The following PCCA variants were observed in gnomAD, a reference collection of about 807,000 sequenced individuals.
PCCA encodes propionyl-CoA carboxylase alpha chain, mitochondrial.
A neutral mutation model predicts 101.3 loss-of-function variants in PCCA; 74 were observed. The observed-to-expected ratio is 0.73, with a 90% CI of 0.61 to 0.89. The LOEUF (loss-of-function observed/expected upper bound fraction) is 0.89, where lower values mean the gene tolerates loss of function less well. Ranked by LOEUF, PCCA falls within the 40% of genes least tolerant of loss-of-function variation. The pLI is 0.00. For missense variants in PCCA, 891 were observed against 907.0 expected (o/e 0.98, Z 0.23); for synonymous variants, 294 against 313.6 (o/e 0.94, Z 0.66).
chr13:100,489,275 T>A (rs573933921), intron 21 of PCCA, among the ~76,000 whole-genome samples: 11 of 152,138 alleles, frequency 7.2e-5, no homozygotes, highest in African/African-American at 2.7e-4. Context: ...ACCACTGCAC[T>A]CCAGCCTGGG....
intron 7 of PCCA, among the ~76,000 whole-genome samples, chr13:100,233,652 A>T (rs9300595): frequency 4.6e-5 from 7 of 152,070 alleles, no homozygotes; most frequent in African/African-American, 1.5e-4. Context: ...TGAAACAGTA[A>T]TAGAGATTTT....
At chr13:100,421,689 T>A (rs994932588) in intron 19 of PCCA, among the ~76,000 whole-genome samples, 1 of 152,044 alleles carries the variant, frequency 6.6e-6, no homozygotes, top group African/African-American at 2.4e-5. Context: ...GATTTCTTAT[T>A]TTTTATTTTT....
At chr13:100,509,241 G>A (rs1006833226) in intron 21 of PCCA, among the ~76,000 whole-genome samples, 1 of 152,220 alleles carries the variant, frequency 6.6e-6, no homozygotes, top group Non-Finnish European at 1.5e-5. Context: ...GCTGCTAACT[G>A]ACCCTATGCG....
intron 19 of PCCA, among the ~76,000 whole-genome samples, chr13:100,396,362 T>G (rs2077044847): frequency 6.6e-6 from 1 of 152,196 alleles, no homozygotes; most frequent in Non-Finnish European, 1.5e-5. Context: ...TTGTAAAAAT[T>G]AAATGAGATT....
chr13:100,139,663 C>G (rs940622191), intron 4 of PCCA, among the ~76,000 whole-genome samples: 3 of 151,984 alleles, frequency 2.0e-5, no homozygotes, highest in Admixed American at 2.0e-4. Flanking sequence ...TGTTGGAAAA[C>G]TTTAATAATA....
At chr13:100,268,977 G>A (rs1046297566) in intron 11 of PCCA, among the ~76,000 whole-genome samples, 194 bp downstream of exon 11, 7 of 152,192 alleles carry the variant, frequency 4.6e-5, no homozygotes, top group African/African-American at 7.2e-5. Context: ...AGCCTCCCAC[G>A]TAGCCGGGAC....
chr13:100,174,381 A>C lies in PCCA; in HGVS notation c.468+17041A>C, dbSNP rs930468333. ...CACATAGAGAAAATAACCAGGTTTT[A>C]AATGTTTTATAGTATAATATTTGTT... On this transcript the variant is annotated intron_variant, in intron 6 of 23. Transcript: ENST00000376285. Among the ~76,000 whole-genome samples, 6 of 150,524 alleles carry C rather than the reference A, an allele frequency of 4.0e-5. 1 individual carries two copies. The Admixed American group carries it at 4.0e-4, about 10-fold the overall frequency.
At chr13:100,150,026 A>T (rs1278791332) in intron 4 of PCCA, among the ~76,000 whole-genome samples, 2 of 151,386 alleles carry the variant, frequency 1.3e-5, no homozygotes, top group Non-Finnish European at 2.9e-5. Flanking sequence ...ATGCAGGCAT[A>T]ATTCCCCCCC....
At chr13:100,185,705 T>C (rs1566659217) in intron 6 of PCCA, among the ~76,000 whole-genome samples, 2 of 151,018 alleles carry the variant, frequency 1.3e-5, no homozygotes, top group African/African-American at 2.4e-5. Context: ...TGGAGTGCAA[T>C]GGTGCGATCT....
In PCCA at chr13:100,348,756, CT is replaced by C. The variant is rs1248572354; in HGVS notation, c.1643+8500del. ...TCTTTCTTTCTTTCTTTCTTTCTTT[CT>C]TTCTTTCTTTCTTTCTTTCTTTCTT... On this transcript the variant is annotated intron_variant, in intron 18 of 23. Coordinates refer to ENST00000376285, the MANE Select transcript of PCCA (RefSeq NM_000282.4). Among the ~76,000 whole-genome samples the C allele has an allele frequency of 4.7e-4, 31 of 65,934 alleles. No homozygotes were observed. The South Asian group carries it at 6.7e-3, about 14-fold the overall frequency. 43.3% of individuals were successfully genotyped at this position (65,934 alleles called of 152,430 possible).
chr13:100,212,026 C>T (rs548078378), intron 7 of PCCA, among the ~76,000 whole-genome samples: 1 of 152,312 alleles, frequency 6.6e-6, no homozygotes, highest in African/African-American at 2.4e-5. Context: ...AGGCATGAGC[C>T]ACTACACTTG....
chr13:100,362,556 T>C (rs929253264), intron 18 of PCCA, among the ~76,000 whole-genome samples: 3 of 152,160 alleles, frequency 2.0e-5, no homozygotes, highest in Admixed American at 6.5e-5. Flanking sequence ...ACTTGGTCAG[T>C]GAGACATGGG....
chr13:100,255,474 C>T (rs186646055), intron 8 of PCCA, among the ~76,000 whole-genome samples: 159 of 152,268 alleles, frequency 1.0e-3, no homozygotes, highest in Non-Finnish European at 1.8e-3. Flanking sequence ...TCCTAATCGT[C>T]AGAGGGAACT....
At chr13:100,328,410 G>A (rs199595041) in intron 16 of PCCA, among the ~76,000 whole-genome samples, 130 of 146,264 alleles carry the variant, frequency 8.9e-4, no homozygotes, top group Middle Eastern at 3.6e-3. Context: ...TAATAATGAT[G>A]ATAATAATAA....
chr13:100,228,076 T>C (rs933654506), intron 7 of PCCA, among the ~76,000 whole-genome samples: 1 of 152,094 alleles, frequency 6.6e-6, no homozygotes, highest in Non-Finnish European at 1.5e-5. Flanking sequence ...AGTGCAGTGG[T>C]GCCATCTCGG....
At chr13:100,319,153 A>G (rs1001186050) in intron 16 of PCCA, among the ~76,000 whole-genome samples, 4 of 152,106 alleles carry the variant, frequency 2.6e-5, no homozygotes, top group African/African-American at 9.7e-5. Context: ...GTGTCTGTTC[A>G]TGTCCTTCGC....
chr13:100,262,591 A>G, intron 9 of PCCA, 138 bp from the exon 10 acceptor site: 1 of 646,730 alleles, frequency 1.5e-6, no homozygotes, highest in Non-Finnish European at 2.7e-6. Context: ...ATAAGCCAAA[A>G]TAAATATTTA....
intron 12 of PCCA, among the ~76,000 whole-genome samples, chr13:100,273,599 T>A (rs1055138997): frequency 5.9e-5 from 9 of 152,320 alleles, no homozygotes; most frequent in African/African-American, 2.2e-4. Flanking sequence ...TCTTGAACCT[T>A]TCTAGATGAA....
chr13:100,376,901 A>C (rs1016117430), intron 19 of PCCA, among the ~76,000 whole-genome samples: 3 of 152,282 alleles, frequency 2.0e-5, no homozygotes, highest in African/African-American at 7.2e-5. Flanking sequence ...ACAGCCGCCC[A>C]GTTTTGTGCT....
Sources: allele counts gnomAD v4.1 joint callset (sites outside exome capture counted in the v4.1 genomes callset), GRCh38; gene constraint gnomAD v4.1.1; transcripts MANE v1.5; gene names NCBI Gene and HGNC (gene_info 2026-07-23, HGNC 2026-07-21).